The following NSMCE2 variants were observed in gnomAD, a reference collection of about 807,000 sequenced individuals.
NSMCE2 encodes E3 SUMO-protein ligase NSE2.
NSMCE2 carries 24 observed loss-of-function variants against 23.8 expected under a neutral mutation model. That is an observed-to-expected ratio of 1.01 (90% CI 0.73 to 1.42). The LOEUF (loss-of-function observed/expected upper bound fraction) is 1.42, where lower values mean the gene tolerates loss of function less well. NSMCE2 is among the 40% of genes most tolerant of loss of function. The probability of loss-of-function intolerance (pLI) is 0.00; values close to 1 mark genes in which losing one functional copy is unlikely to be tolerated. For missense variants in NSMCE2, 284 were observed against 296.5 expected (o/e 0.96, Z 0.31); for synonymous variants, 92 against 94.1 (o/e 0.98, Z 0.13).
At chr8:125,355,306 C>G (rs1215513795) in intron 5 of NSMCE2, among the ~76,000 whole-genome samples, 1 of 151,636 alleles carries the variant, frequency 6.6e-6, no homozygotes, top group African/African-American at 2.4e-5. Flanking sequence ...TATTATTTTG[C>G]CAAAATTAAA....
intron 5 of NSMCE2, among the ~76,000 whole-genome samples, chr8:125,288,048 A>G (rs1009345596): frequency 6.6e-6 from 1 of 151,930 alleles, no homozygotes; most frequent in Non-Finnish European, 1.5e-5. Context: ...CTCTTCACGA[A>G]CTTCTGGCCT....
At chr8:125,334,044 G>T (rs1829984850) in intron 5 of NSMCE2, among the ~76,000 whole-genome samples, 1 of 152,144 alleles carries the variant, frequency 6.6e-6, no homozygotes, top group South Asian at 2.1e-4. Flanking sequence ...AACAGACAAA[G>T]TTGTCTGTGT....
chr8:125,136,770 C>G (rs192245718), intron 3 of NSMCE2, among the ~76,000 whole-genome samples: 1 of 152,086 alleles, frequency 6.6e-6, no homozygotes, highest in East Asian at 1.9e-4. Flanking sequence ...TGAATTATTA[C>G]TATTTTTCAA....
intron 5 of NSMCE2, among the ~76,000 whole-genome samples, chr8:125,249,803 G>C (rs1272863000): frequency 1.3e-5 from 2 of 152,136 alleles, no homozygotes; most frequent in African/African-American, 4.8e-5. Context: ...TTTTAGGTTT[G>C]GGATGATGGT....
At chr8:125,244,428 C>T (rs1825879463) in intron 5 of NSMCE2, among the ~76,000 whole-genome samples, 1 of 151,976 alleles carries the variant, frequency 6.6e-6, no homozygotes, top group African/African-American at 2.4e-5. Flanking sequence ...GGAAAGAAAC[C>T]ATTCTGGAAG....
chr8:125,282,084 G>A (rs996362815), intron 5 of NSMCE2, among the ~76,000 whole-genome samples: 3 of 151,708 alleles, frequency 2.0e-5, no homozygotes, highest in Non-Finnish European at 4.4e-5. Flanking sequence ...TAGAGAAATC[G>A]GATGTTTGGA....
intron 5 of NSMCE2, among the ~76,000 whole-genome samples, chr8:125,268,907 G>C (rs1306572689): frequency 6.6e-6 from 1 of 152,128 alleles, no homozygotes; most frequent in Non-Finnish European, 1.5e-5. Context: ...AGGAGCAAGA[G>C]TATCAAAAAG....
At chr8:125,243,206 G>A (rs1361070903) in intron 5 of NSMCE2, among the ~76,000 whole-genome samples, 1 of 152,132 alleles carries the variant, frequency 6.6e-6, no homozygotes, top group Admixed American at 6.5e-5. Flanking sequence ...CAATAATAGT[G>A]GACGTATATA....
chr8:125,357,440 G>T (rs919190244), intron 6 of NSMCE2, 121 bp downstream of exon 6: 5 of 741,216 alleles, frequency 6.7e-6, no homozygotes, highest in Non-Finnish European at 1.2e-5. Flanking sequence ...AAAGAAAAGT[G>T]CTGGGGGTTG....
At chr8:125,363,461 G>A (rs1428872855) in intron 7 of NSMCE2, 2 of 151,242 alleles carry the variant, frequency 1.3e-5, no homozygotes, top group Non-Finnish European at 2.9e-5. Flanking sequence ...AGCAGAGATA[G>A]TGCCACTCCA....
intron 2 of NSMCE2, 65 bp from the exon 3 acceptor site, chr8:125,102,252 A>T: frequency 9.6e-7 from 1 of 1,046,176 alleles, no homozygotes; most frequent in Non-Finnish European, 1.5e-6. Flanking sequence ...CAGTTTTATT[A>T]ATATTTTCCT....
chr8:125,355,329 G>T (rs114826149), intron 5 of NSMCE2, among the ~76,000 whole-genome samples: 2,197 of 152,210 alleles, frequency 0.014, 44 homozygotes, highest in African/African-American at 0.05. Flanking sequence ...AGGAAGGGAA[G>T]GGAGAAAAGA....
At chr8:125,203,164 G>C (rs1173250546) in intron 5 of NSMCE2, among the ~76,000 whole-genome samples, 1 of 151,240 alleles carries the variant, frequency 6.6e-6, no homozygotes, top group Non-Finnish European at 1.5e-5. Flanking sequence ...GGTCTTTGCT[G>C]TTTGAGCTCA....
chr8:125,196,376 G>A (rs958224252), intron 5 of NSMCE2, among the ~76,000 whole-genome samples: 10 of 151,758 alleles, frequency 6.6e-5, no homozygotes, highest in Admixed American at 3.3e-4. Context: ...CTGACAAGCC[G>A]TGGTGTGTGA....
At chr8:125,292,769 C>A (rs1240775737) in intron 5 of NSMCE2, among the ~76,000 whole-genome samples, 2 of 152,104 alleles carry the variant, frequency 1.3e-5, no homozygotes, top group East Asian at 1.9e-4. Context: ...AAAATAAGAG[C>A]AAATCGATTC....
chr8:125,339,362 T>A (rs149747002), intron 5 of NSMCE2, among the ~76,000 whole-genome samples: 1 of 152,034 alleles, frequency 6.6e-6, no homozygotes, highest in Non-Finnish European at 1.5e-5. Flanking sequence ...GTCCTTTGGA[T>A]TGGGGGCTCT....
chr8:125,259,595 A>T (rs1327670235), intron 5 of NSMCE2, among the ~76,000 whole-genome samples: 2 of 152,190 alleles, frequency 1.3e-5, no homozygotes, highest in Non-Finnish European at 2.9e-5. Flanking sequence ...GTTGGAGACA[A>T]CTGCAGTAGC....
At chr8:125,337,694 A>C (rs1364843839) in intron 5 of NSMCE2, among the ~76,000 whole-genome samples, 2 of 152,074 alleles carry the variant, frequency 1.3e-5, no homozygotes, top group Non-Finnish European at 2.9e-5. Flanking sequence ...CGGGAGTTTG[A>C]GACCAGCCTG....
chr8:125,357,268 A>G lies in NSMCE2; in HGVS notation c.468A>G (p.Glu156=), dbSNP rs1196688522. Residue 156 remains glutamate (E), a synonymous_variant, in exon 6 of 8, where the codon GAA becomes GAG. Coordinates refer to ENST00000287437, the MANE Select transcript of NSMCE2 (RefSeq NM_173685.4). ...CTGACGGAACAGAAGGAGTGGATGA[A>G]GATATAATTGTGACCCAAAGTCAGA... ...READGTEGVD[E]DIIVTQSQTN... is the part of the protein sequence containing the mutation. 6.2e-7 allele frequency: 1 copy of G among 1,613,910 alleles called. No homozygotes were observed. Among genetic ancestry groups the G allele is most frequent in the Non-Finnish European group, 8.5e-7 (1 of 1,179,788 alleles).
Sources: allele counts gnomAD v4.1 joint callset (sites outside exome capture counted in the v4.1 genomes callset), GRCh38; gene constraint gnomAD v4.1.1; transcripts MANE v1.5; gene names NCBI Gene and HGNC (gene_info 2026-07-23, HGNC 2026-07-21).